The following MYCBPAP variants were observed in gnomAD, a reference collection of about 807,000 sequenced individuals.
MYCBPAP encodes the protein MYCBP associated protein.
In MYCBPAP, 60 loss-of-function variants were observed where a neutral mutation model predicts 106.1. The observed-to-expected ratio is 0.57, with a 90% confidence interval of 0.46 to 0.70. The LOEUF (loss-of-function observed/expected upper bound fraction) is 0.70, where lower values mean the gene tolerates loss of function less well. MYCBPAP is among the 30% of genes least tolerant of loss of function. The probability of loss-of-function intolerance (pLI) is 0.00; values close to 1 mark genes in which losing one functional copy is unlikely to be tolerated. For synonymous variants in MYCBPAP, 407 were observed against 440.6 expected (o/e 0.92, Z 0.95); for missense variants, 1,064 against 1,169.3 (o/e 0.91, Z 1.31).
intron 18 of MYCBPAP, 188 bp downstream of exon 18, chr17:50,529,376 C>T (rs4794155): frequency 0.71 from 415,513 of 586,792 alleles, 148,408 homozygotes; most frequent in East Asian, 0.9. Context: ...ATGAGTACGA[C>T]GGGAGAGAAG....
At chr17:50,512,790 A>G (rs1007622593) in intron 1 of MYCBPAP, among the ~76,000 whole-genome samples, 1 of 152,190 alleles carries the variant, frequency 6.6e-6, no homozygotes, top group African/African-American at 2.4e-5. Context: ...ATACATATAT[A>G]TCCCTGGGCG....
In MYCBPAP at chr17:50,522,039, G is replaced by C; in HGVS notation, c.1215G>C (p.Gly405=). ...TCGGCCCTTCTCTGCTGTTCTGTGG[G>C]AAGCCAGCTTGCTGGATCAGAGGCA... ...PILGPSLLFC[G]KPACWIRGSN... is the part of the protein sequence containing the mutation. Residue 405 remains glycine, a synonymous_variant, in exon 10 of 19, where the codon GGG becomes GGC. Transcript: ENST00000323776. 1 of 1,614,072 alleles carries C rather than the reference G, an allele frequency of 6.2e-7. No homozygotes were observed. Among genetic ancestry groups the C allele is most frequent in the East Asian group, 2.2e-5 (1 of 44,876 alleles).
At chr17:50,508,804 C>A in intron 1 of MYCBPAP, 54 bp downstream of exon 1, 1 of 1,498,716 alleles carries the variant, frequency 6.7e-7, no homozygotes, top group East Asian at 2.4e-5. Context: ...GAAGCGGTCC[C>A]CGGAAAGAGT....
At chr17:50,515,461 G>A (rs1032847478) in intron 1 of MYCBPAP, among the ~76,000 whole-genome samples, 1 of 152,220 alleles carries the variant, frequency 6.6e-6, no homozygotes, top group Non-Finnish European at 1.5e-5. Context: ...CAGAGATTCT[G>A]CACTTTAACC....
At chr17:50,528,631 G>T in intron 16 of MYCBPAP, 64 bp from the exon 17 acceptor site, 1 of 1,579,746 alleles carries the variant, frequency 6.3e-7, no homozygotes, top group East Asian at 2.3e-5. Flanking sequence ...GCCTCCTCAC[G>T]TACCTGCAGC....
chr17:50,519,535 G>A, intron 6 of MYCBPAP, 105 bp from the exon 7 acceptor site: 2 of 1,347,556 alleles, frequency 1.5e-6, no homozygotes, highest in South Asian at 2.7e-5. Context: ...GAATTCCCCA[G>A]AGGAAGCATC....
intron 1 of MYCBPAP, among the ~76,000 whole-genome samples, chr17:50,515,207 AC>A (rs2034002095): frequency 1.6e-5 from 2 of 125,724 alleles, no homozygotes; most frequent in South Asian, 2.4e-4. Flanking sequence ...GCCCTCCCTG[AC>A]TCCCCCACCT....
rs10526790 is a variant in MYCBPAP, at chr17:50,530,497, C to CAA, written c.2725-822_2725-821dup. On this transcript the variant is annotated intron_variant, in intron 18 of 18. Transcript: ENST00000323776. ...GTGACAAGAGTGAGACTCTTACCTC[C>CAA]AAAAAAAAAGAATCAACTTGCTGGC... is the stretch of plus-strand genomic sequence containing the variant. Among the ~76,000 whole-genome samples the CAA allele has an allele frequency of 5.7e-5, 6 of 105,866 alleles. 2 individuals carry two copies. Among genetic ancestry groups the CAA allele is most frequent in the Admixed American group, 3.0e-4 (3 of 9,974 alleles). The allele number at this position is 105,866 out of a possible 152,430, so 69.5% of individuals were successfully genotyped here.
chr17:50,520,926 C>G (rs2143951522), intron 7 of MYCBPAP, 184 bp from the exon 8 acceptor site: 1 of 572,568 alleles, frequency 1.7e-6, no homozygotes, highest in Non-Finnish European at 3.1e-6. Flanking sequence ...TTTCAGGAGT[C>G]TTGTGTAGGG....
At chr17:50,524,438 G>A (rs1425716793) in intron 12 of MYCBPAP, among the ~76,000 whole-genome samples, 2 of 152,126 alleles carry the variant, frequency 1.3e-5, no homozygotes, top group Non-Finnish European at 2.9e-5. Context: ...TTTACTCATT[G>A]ACTGTACAAC....
chr17:50,530,105 A>G (rs994062757), intron 18 of MYCBPAP: 2 of 360,066 alleles, frequency 5.6e-6, no homozygotes, highest in African/African-American at 2.1e-5. Context: ...CATCACTAAG[A>G]TATCAGATGG....
intron 18 of MYCBPAP, chr17:50,530,236 G>C (rs1008606732): frequency 8.7e-5 from 38 of 436,410 alleles, no homozygotes; most frequent in Non-Finnish European, 1.6e-4. Flanking sequence ...GCTCGTGCCT[G>C]TAATCCCAGC....
rs373928628 is a variant in MYCBPAP, at chr17:50,524,737, T to TGTGAGAGAGAGAGAGAGA, written c.1636-139_1636-138insTGAGAGAGAGAGAGAGAG. 40 of 463,644 alleles carry TGTGAGAGAGAGAGAGAGA rather than the reference T, an allele frequency of 8.6e-5. No individual in the cohort carries two copies. The African/African-American group carries it at 8.6e-4, about 10-fold the overall frequency. The allele number at this position is 463,644 out of a possible 1,614,324, so 28.7% of individuals were successfully genotyped here. A position where few individuals can be genotyped will look rare whatever the true frequency, so the allele number is the denominator to read the frequency against. On this transcript the variant is annotated intron_variant, in intron 12 of 18. Coordinates refer to ENST00000323776, the MANE Select transcript of MYCBPAP (RefSeq NM_032133.6). Reference sequence around the variant, plus strand: ...GTGTGTGTGTGTGTGTGTGTGTGTGTGAGAGAGAGAGAGAGAGAGAGACAA... The same window carrying TGTGAGAGAGAGAGAGAGA: ...GTGTGTGTGTGTGTGTGTGTGTGTGTGTGAGAGAGAGAGAGAGAGAGAGAGAGAGAGAGAGAGAGACAA...
intron 7 of MYCBPAP, among the ~76,000 whole-genome samples, chr17:50,520,388 C>T (rs1416644345): frequency 6.6e-6 from 1 of 152,050 alleles, no homozygotes; most frequent in Non-Finnish European, 1.5e-5. Context: ...GCCTAGAATC[C>T]CAGCTACTTG....
chr17:50,520,527 A>G (rs1328221824), intron 7 of MYCBPAP, among the ~76,000 whole-genome samples: 4 of 152,070 alleles, frequency 2.6e-5, no homozygotes, highest in Non-Finnish European at 4.4e-5. Flanking sequence ...ATAAATAAAT[A>G]AATAAACAAA....
At chr17:50,529,931 G>A in intron 18 of MYCBPAP, 1 of 436,480 alleles carries the variant, frequency 2.3e-6, no homozygotes, top group South Asian at 1.6e-5. Context: ...GTTGTTGTTT[G>A]TTTTGGAGGG....
chr17:50,520,636 T>C (rs1302222206), intron 7 of MYCBPAP, among the ~76,000 whole-genome samples: 1 of 152,190 alleles, frequency 6.6e-6, no homozygotes, highest in Non-Finnish European at 1.5e-5. Flanking sequence ...GGCTTGTGCT[T>C]GTGGTTTGCA....
chr17:50,531,223 A>C, intron 18 of MYCBPAP, 104 bp from the exon 19 acceptor site: 1 of 689,102 alleles, frequency 1.5e-6, no homozygotes, highest in East Asian at 3.3e-5. Flanking sequence ...TTTCACAAAC[A>C]ACTGGTTTCT....
chr17:50,525,657 C>CTT (rs1385942053), intron 13 of MYCBPAP, among the ~76,000 whole-genome samples: 1 of 29,102 alleles, frequency 3.4e-5, no homozygotes, highest in African/African-American at 2.2e-4. Context: ...CAGCTAATTT[C>CTT]TCTTTTTTTT....
Sources: allele counts gnomAD v4.1 joint callset (sites outside exome capture counted in the v4.1 genomes callset), GRCh38; gene constraint gnomAD v4.1.1; transcripts MANE v1.5; gene names NCBI Gene and HGNC (gene_info 2026-07-23, HGNC 2026-07-21).